CDK14: variants seen among roughly 807,000 people sequenced by gnomAD.
The protein encoded by CDK14 is cyclin-dependent kinase 14.
CDK14 carries 34 observed loss-of-function variants against 60.7 expected under a neutral mutation model. The observed-to-expected ratio is 0.56, with a 90% CI of 0.43 to 0.75. The LOEUF (loss-of-function observed/expected upper bound fraction) is 0.75, where lower values mean the gene tolerates loss of function less well. CDK14 is among the 30% of genes least tolerant of loss of function. The pLI, the probability that CDK14 is intolerant of heterozygous loss-of-function variation, is 0.00. For synonymous variants in CDK14, 197 were observed against 203.7 expected (o/e 0.97, Z 0.28); for missense variants, 482 against 564.1 (o/e 0.85, Z 1.47).
At chr7:90,673,295 T>C (rs1196065409) in intron 2 of CDK14, among the ~76,000 whole-genome samples, 1 of 152,132 alleles carries the variant, frequency 6.6e-6, no homozygotes, top group Non-Finnish European at 1.5e-5. Flanking sequence ...TAGGTGCCGT[T>C]ATAAGGGTAC....
intron 8 of CDK14, among the ~76,000 whole-genome samples, chr7:90,932,880 C>T (rs141029960): frequency 7.4e-4 from 112 of 152,186 alleles, no homozygotes; most frequent in African/African-American, 2.6e-3. Flanking sequence ...TCTTGGACTG[C>T]GAGCCTCTCA....
At chr7:90,655,262 T>G (rs1800728314) in intron 2 of CDK14, among the ~76,000 whole-genome samples, 1 of 152,248 alleles carries the variant, frequency 6.6e-6, no homozygotes, top group Non-Finnish European at 1.5e-5. Context: ...TTTTTCCATT[T>G]ACCTATCTTG....
intron 14 of CDK14, among the ~76,000 whole-genome samples, chr7:91,143,977 T>C (rs1800545547): frequency 6.6e-6 from 1 of 152,204 alleles, no homozygotes; most frequent in Non-Finnish European, 1.5e-5. Context: ...TCAACTGGTC[T>C]TTTTATTCTA....
At chr7:90,627,159 G>A (rs928320468) in intron 2 of CDK14, among the ~76,000 whole-genome samples, 17 of 151,556 alleles carry the variant, frequency 1.1e-4, no homozygotes, top group Admixed American at 5.3e-4. Context: ...ATTTAGACTA[G>A]CCACATTTCA....
At chr7:90,895,354 T>C (rs1383461511) in intron 6 of CDK14, among the ~76,000 whole-genome samples, 16 of 39,440 alleles carry the variant, frequency 4.1e-4, no homozygotes, top group South Asian at 1.2e-3. Context: ...TCCTCTCCTC[T>C]CCTCACCTCT....
intron 4 of CDK14, among the ~76,000 whole-genome samples, chr7:90,783,445 C>T (rs946164655): frequency 6.6e-6 from 1 of 151,960 alleles, no homozygotes; most frequent in East Asian, 1.9e-4. Flanking sequence ...TAGTAAGCGT[C>T]TACAAGCAAA....
chr7:90,848,366 G>A (rs536651546), intron 5 of CDK14, among the ~76,000 whole-genome samples: 6 of 152,166 alleles, frequency 3.9e-5, no homozygotes, highest in Non-Finnish European at 8.8e-5. Context: ...ACAGGTGTGA[G>A]CTACTTTGCC....
intron 11 of CDK14, among the ~76,000 whole-genome samples, chr7:91,073,336 G>C (rs1365186751): frequency 6.6e-6 from 1 of 152,204 alleles, no homozygotes; most frequent in African/African-American, 2.4e-5. Flanking sequence ...AGCCAGAAGA[G>C]AGTGGGGGCC....
At chr7:90,826,129 T>C (rs1045710570) in intron 5 of CDK14, among the ~76,000 whole-genome samples, 7 of 152,244 alleles carry the variant, frequency 4.6e-5, no homozygotes, top group Admixed American at 6.5e-5. Flanking sequence ...TTAAATGTTA[T>C]AATTTCACAA....
At chr7:90,679,163 G>A (rs995729485) in intron 2 of CDK14, among the ~76,000 whole-genome samples, 1 of 152,056 alleles carries the variant, frequency 6.6e-6, no homozygotes, top group African/African-American at 2.4e-5. Flanking sequence ...TGTTGCCCAC[G>A]CTGGTATCAA....
chr7:90,804,318 T>C (rs1423501341), intron 5 of CDK14, among the ~76,000 whole-genome samples: 2 of 152,198 alleles, frequency 1.3e-5, no homozygotes, highest in Non-Finnish European at 2.9e-5. Context: ...ATGAATCTTT[T>C]ACCTGGAAAA....
intron 8 of CDK14, among the ~76,000 whole-genome samples, chr7:90,938,191 G>T (rs973695329): frequency 3.3e-5 from 5 of 152,190 alleles, no homozygotes; most frequent in African/African-American, 1.2e-4. Flanking sequence ...GCTAAATACA[G>T]ATTTCTTTTT....
Position 90,953,420 on chromosome 7 carries a change from A to G in CDK14, c.827-2277A>G, listed in dbSNP as rs376508515. Among the ~76,000 whole-genome samples, 6 of 152,168 alleles carry G rather than the reference A, an allele frequency of 3.9e-5. No homozygotes were observed. The South Asian group carries it at 8.3e-4, about 21-fold the overall frequency. On this transcript the variant is annotated intron_variant, in intron 8 of 14. Coordinates refer to ENST00000380050, the MANE Select transcript of CDK14 (RefSeq NM_001287135.2). ...AATTGGAGTAGTCTTTGGCCTAAAC[A>G]TGTGGGAAAAAAGACAGTAATGTAG...
At chr7:91,179,346 G>A (rs1387016702) in intron 14 of CDK14, among the ~76,000 whole-genome samples, 2 of 127,426 alleles carry the variant, frequency 1.6e-5, no homozygotes, top group African/African-American at 3.0e-5. Flanking sequence ...ACACTCTGGG[G>A]ACTGTTGTGG....
intron 2 of CDK14, among the ~76,000 whole-genome samples, chr7:90,630,888 A>ATGTGTGTGTGTGTGTGTGTG (rs55859300): frequency 3.3e-4 from 49 of 148,468 alleles, no homozygotes; most frequent in East Asian, 8.0e-4. Context: ...TGGGGTGTGT[A>ATGTGTGTGTGTGTGTGTGTG]TGTGTGTGTG....
At chr7:90,638,750 C>T (rs775073473) in intron 2 of CDK14, among the ~76,000 whole-genome samples, 51 of 152,290 alleles carry the variant, frequency 3.3e-4, no homozygotes, top group Admixed American at 1.8e-3. Context: ...ATATTCTCCT[C>T]GTCACTTTCA....
At chr7:91,159,983 A>G (rs74959913) in intron 14 of CDK14, among the ~76,000 whole-genome samples, 3,786 of 152,200 alleles carry the variant, frequency 0.025, 118 homozygotes, top group African/African-American at 0.085. Flanking sequence ...GTGTGATGGG[A>G]AGTCATTTTT....
intron 4 of CDK14, among the ~76,000 whole-genome samples, chr7:90,782,848 A>G (rs74645280): frequency 0.013 from 1,959 of 152,270 alleles, 59 homozygotes; most frequent in African/African-American, 0.045. Flanking sequence ...GAATTTTTAT[A>G]GAGGAGTTGG....
chr7:90,671,063 TC>T (rs1386072897), intron 2 of CDK14, among the ~76,000 whole-genome samples: 1 of 152,130 alleles, frequency 6.6e-6, no homozygotes, highest in African/African-American at 2.4e-5. Flanking sequence ...CAGCTGGATG[TC>T]TTCATCATTG....
Sources: gnomAD v4.1 joint callset for allele counts (sites outside exome capture counted in the v4.1 genomes callset) on GRCh38, gnomAD v4.1.1 for gene constraint, MANE v1.5 for transcripts, NCBI Gene and HGNC (gene_info 2026-07-23, HGNC 2026-07-21) for gene names.